PIGK: variants seen among roughly 807,000 people sequenced by gnomAD.
PIGK encodes the protein phosphatidylinositol glycan anchor biosynthesis class K.
PIGK carries 42 observed loss-of-function variants against 50.6 expected under a neutral mutation model. The observed-to-expected ratio is 0.83, with a 90% CI of 0.65 to 1.07. The LOEUF (loss-of-function observed/expected upper bound fraction) is 1.07, where lower values mean the gene tolerates loss of function less well. PIGK is among the 50% of genes least tolerant of loss of function. The probability of loss-of-function intolerance (pLI) is 0.00; values close to 1 mark genes in which losing one functional copy is unlikely to be tolerated. For missense variants in PIGK, 448 were observed against 488.7 expected (o/e 0.92, Z 0.78); for synonymous variants, 151 against 156.0 (o/e 0.97, Z 0.24).
chr1:77,117,562 C>A (rs1409270467), intron 10 of PIGK, among the ~76,000 whole-genome samples: 1 of 152,160 alleles, frequency 6.6e-6, no homozygotes, highest in Non-Finnish European at 1.5e-5. Context: ...TCTCTTTGCA[C>A]CCAATCTCTG....
intron 9 of PIGK, among the ~76,000 whole-genome samples, chr1:77,144,546 G>A (rs1238273323): frequency 2.6e-5 from 4 of 151,742 alleles, no homozygotes; most frequent in African/African-American, 9.7e-5. Flanking sequence ...AAACATATTT[G>A]CCAATTTATA....
At chr1:77,094,598 G>C (rs548199860) in intron 10 of PIGK, among the ~76,000 whole-genome samples, 1 of 152,220 alleles carries the variant, frequency 6.6e-6, no homozygotes, top group Non-Finnish European at 1.5e-5. Context: ...AATAACTCCA[G>C]TTACTTTCCA....
At chr1:77,182,847 A>C (rs1387532783) in intron 3 of PIGK, among the ~76,000 whole-genome samples, 2 of 152,184 alleles carry the variant, frequency 1.3e-5, no homozygotes, top group Admixed American at 6.5e-5. Context: ...CCTGCTCATG[A>C]GAGACAAGGA....
intron 10 of PIGK, among the ~76,000 whole-genome samples, chr1:77,119,512 T>C (rs1189850762): frequency 6.6e-6 from 1 of 152,238 alleles, no homozygotes; most frequent in East Asian, 1.9e-4. Context: ...ATTAATTTTA[T>C]TGTTCATAAC....
intron 10 of PIGK, 120 bp downstream of exon 10, chr1:77,122,155 T>C (rs1557798328): frequency 1.6e-6 from 1 of 629,050 alleles, no homozygotes. Context: ...TAAATAGGGA[T>C]AGACAGCCCA....
chr1:77,158,043 G>T (rs1027904640), intron 8 of PIGK, among the ~76,000 whole-genome samples: 1 of 152,124 alleles, frequency 6.6e-6, no homozygotes, highest in Non-Finnish European at 1.5e-5. Flanking sequence ...TTGAGACAGA[G>T]TCTCACTCTG....
intron 3 of PIGK, among the ~76,000 whole-genome samples, chr1:77,196,150 G>A (rs1007671625): frequency 1.3e-5 from 2 of 152,178 alleles, no homozygotes; most frequent in Non-Finnish European, 1.5e-5. Flanking sequence ...AGCTGGAAAG[G>A]ACATGATCTT....
intron 10 of PIGK, among the ~76,000 whole-genome samples, chr1:77,105,770 T>A (rs527904828): frequency 1.3e-5 from 2 of 152,314 alleles, no homozygotes; most frequent in Admixed American, 1.3e-4. Flanking sequence ...ATTGGGGCTT[T>A]CACACTATAC....
At chr1:77,139,894 C>A (rs1654610444) in intron 9 of PIGK, among the ~76,000 whole-genome samples, 1 of 152,158 alleles carries the variant, frequency 6.6e-6, no homozygotes, top group Admixed American at 6.5e-5. Flanking sequence ...CCTCTAAACT[C>A]ATTTACATTA....
At chr1:77,171,376 G>A (rs758414577) in intron 3 of PIGK, among the ~76,000 whole-genome samples, 11 of 134,154 alleles carry the variant, frequency 8.2e-5, no homozygotes, top group Admixed American at 1.7e-4. Flanking sequence ...GGCGGAGCTC[G>A]CAGTGAGCCG....
intron 10 of PIGK, among the ~76,000 whole-genome samples, chr1:77,098,102 A>G (rs1165422820): frequency 6.6e-6 from 1 of 152,202 alleles, no homozygotes; most frequent in Non-Finnish European, 1.5e-5. Flanking sequence ...ATCACAGATC[A>G]GTGGGAAAGG....
intron 3 of PIGK, among the ~76,000 whole-genome samples, chr1:77,189,413 A>G (rs1195633347): frequency 2.0e-5 from 3 of 152,050 alleles, no homozygotes; most frequent in Admixed American, 2.0e-4. Flanking sequence ...AGAGATTAAC[A>G]TTTGAGTCAG....
At chr1:77,214,008 T>C (rs570508835) in intron 1 of PIGK, among the ~76,000 whole-genome samples, 1 of 152,088 alleles carries the variant, frequency 6.6e-6, no homozygotes, top group Non-Finnish European at 1.5e-5. Context: ...CTGAATGGAC[T>C]GAGGCTGAGT....
At chr1:77,166,159 CTA>C (rs978783518) in intron 5 of PIGK, among the ~76,000 whole-genome samples, 1 of 152,066 alleles carries the variant, frequency 6.6e-6, no homozygotes, top group African/African-American at 2.4e-5. Flanking sequence ...CATATGATAA[CTA>C]TATTATATTA....
At chr1:77,111,519 A>G (rs1653843542) in intron 10 of PIGK, among the ~76,000 whole-genome samples, 1 of 151,494 alleles carries the variant, frequency 6.6e-6, no homozygotes, top group Non-Finnish European at 1.5e-5. Context: ...AAAAAACCAA[A>G]CACCACATGT....
At chr1:77,098,076 A>C (rs1454600435) in intron 10 of PIGK, among the ~76,000 whole-genome samples, 1 of 152,186 alleles carries the variant, frequency 6.6e-6, no homozygotes, top group African/African-American at 2.4e-5. Flanking sequence ...AGGATTTAGT[A>C]TATTATAAAA....
At chr1:77,113,522 T>TC (rs1399822750) in intron 10 of PIGK, among the ~76,000 whole-genome samples, 1 of 152,128 alleles carries the variant, frequency 6.6e-6, no homozygotes, top group East Asian at 1.9e-4. Flanking sequence ...CACTCATTTT[T>TC]CTCACAACTT....
At chr1:77,170,266 C>T (rs1053258184) in intron 3 of PIGK, among the ~76,000 whole-genome samples, 2 of 152,154 alleles carry the variant, frequency 1.3e-5, no homozygotes, top group African/African-American at 4.8e-5. Flanking sequence ...ATCTAAAAGG[C>T]TCATATAATC....
chr1:77,196,822 T>C (rs1396653686), intron 3 of PIGK, among the ~76,000 whole-genome samples: 1 of 152,220 alleles, frequency 6.6e-6, no homozygotes, highest in East Asian at 1.9e-4. Context: ...TTTATTTTAA[T>C]TAGGTACAAC....
Sources: gnomAD v4.1 joint callset for allele counts (sites outside exome capture counted in the v4.1 genomes callset) on GRCh38, gnomAD v4.1.1 for gene constraint, MANE v1.5 for transcripts, NCBI Gene and HGNC (gene_info 2026-07-23, HGNC 2026-07-21) for gene names.